The following GBP4 variants were observed in gnomAD, a reference collection of about 807,000 sequenced individuals.
GBP4 encodes the protein guanylate binding protein 4.
A neutral mutation model predicts 62.2 loss-of-function variants in GBP4; 69 were observed. The observed-to-expected ratio is 1.11, with a 90% CI of 0.91 to 1.36. The LOEUF is 1.36. Among genes scored for constraint, GBP4 ranks in the 40% most tolerant of loss-of-function variants. The pLI, the probability that GBP4 is intolerant of heterozygous loss-of-function variation, is 0.00. For synonymous variants in GBP4, 278 were observed against 274.6 expected (o/e 1.01, Z -0.12); for missense variants, 697 against 759.3 (o/e 0.92, Z 0.96).
In GBP4 at chr1:89,190,032, A is replaced by G. The variant is rs1434152421; in HGVS notation, c.1197+6T>C. On this transcript the variant is annotated splice_donor_region_variant and intron_variant, in intron 7 of 10. Transcript: ENST00000355754. The stretch of plus-strand genomic sequence containing the variant: ...AGAAATCAGGAAGGATAAATGCTAA[A>G]AGTACCACAAGCTTCTTCTGGAATT... The G allele has an allele frequency of 6.2e-7, 1 of 1,602,266 alleles. No individual in the cohort carries two copies. The highest frequency in any genetic ancestry group is 1.1e-5 in the South Asian group (1 of 90,062).
intron 2 of GBP4, 96 bp from the exon 3 acceptor site, chr1:89,195,520 T>C: frequency 1.4e-6 from 2 of 1,444,656 alleles, no homozygotes; most frequent in Admixed American, 1.9e-5. Flanking sequence ...TTTAAGTGGC[T>C]GACAGGGGAA....
rs1225031829 is a variant in GBP4 at position 89,198,622 on chromosome 1, G to A, written c.40+173C>T. The A allele has an allele frequency of 6.1e-6, 4 of 660,870 alleles. No individual in the cohort carries two copies. In the Admixed American group the frequency reaches 6.4e-5, roughly 11 times the overall value. 40.9% of individuals were successfully genotyped at this position (660,870 alleles called of 1,614,324 possible). A position where few individuals can be genotyped will look rare whatever the true frequency, so the allele number is the denominator to read the frequency against. On this transcript the variant is annotated intron_variant, in intron 1 of 10. Coordinates refer to ENST00000355754, the MANE Select transcript of GBP4 (RefSeq NM_052941.5). ...GAGACGCTGGGCCACACGGAGCAAA[G>A]CACTCAGGGGTTCAAGCAGCATCAG... is the stretch of plus-strand genomic sequence containing the variant.
chr1:89,190,373 G>GT, intron 6 of GBP4, 55 bp from the exon 7 acceptor site: 1 of 1,435,668 alleles, frequency 7.0e-7, no homozygotes, highest in Admixed American at 2.3e-5. Flanking sequence ...ATTTATACAA[G>GT]TTTTAAGAGT....
intron 3 of GBP4, 22 bp downstream of exon 3, chr1:89,195,275 C>A (rs201227571): frequency 1.2e-6 from 2 of 1,611,874 alleles, no homozygotes; most frequent in South Asian, 1.1e-5. Flanking sequence ...CAACCATGAG[C>A]GGTGAAGTTT....
In GBP4 at chr1:89,191,427, G is replaced by T. The variant is rs1223147190; in HGVS notation, c.750C>A (p.Val250=). 3.1e-6 allele frequency: 5 copies of T among 1,614,102 alleles called. No homozygotes were observed. Among genetic ancestry groups the T allele is most frequent in the Non-Finnish European group, 4.2e-6 (5 of 1,180,018 alleles). ...RHFFRKRKCF[V]FDRPTNDKQY... ...GCTTGTCATTTGTAGGCCGGTCAAA[G>T]ACAAAGCACTTCCGTTTTCGGAAGA... is the stretch of plus-strand genomic sequence containing the variant. Residue 250 remains valine (V), a synonymous_variant, in exon 6 of 11, where the codon GTC becomes GTA. Transcript: ENST00000355754.
At chr1:89,192,510 G>A (rs886204193) in intron 5 of GBP4, among the ~76,000 whole-genome samples, 2 of 152,112 alleles carry the variant, frequency 1.3e-5, no homozygotes, top group Non-Finnish European at 2.9e-5. Flanking sequence ...TTGTGATTCT[G>A]TGTTTACCAG....
intron 7 of GBP4, among the ~76,000 whole-genome samples, chr1:89,189,557 T>G (rs1315126778): frequency 4.6e-5 from 7 of 152,368 alleles, no homozygotes; most frequent in Non-Finnish European, 7.3e-5. Context: ...TGTGCCCTGT[T>G]GGGCATGACC....
At chr1:89,193,474 T>A in intron 3 of GBP4, 62 bp from the exon 4 acceptor site, 2 of 1,363,470 alleles carry the variant, frequency 1.5e-6, no homozygotes, top group Admixed American at 3.5e-5. Flanking sequence ...TTCATTCATT[T>A]GGTTGTTCAT....
At chr1:89,192,531 T>C (rs1648213985) in intron 5 of GBP4, among the ~76,000 whole-genome samples, 1 of 152,242 alleles carries the variant, frequency 6.6e-6, no homozygotes, top group African/African-American at 2.4e-5. Flanking sequence ...CTTCCAAGCT[T>C]ATTAGTTAAT....
At chr1:89,187,149 CATCTT>C (rs763410577) in intron 8 of GBP4, 47 bp from the exon 9 acceptor site, 29 of 1,475,520 alleles carry the variant, frequency 2.0e-5, no homozygotes, top group Non-Finnish European at 2.5e-5. Context: ...GCAAAGGTCT[CATCTT>C]ATGATGGCGA....
intron 5 of GBP4, among the ~76,000 whole-genome samples, chr1:89,191,816 T>C (rs954495262): frequency 1.3e-5 from 2 of 152,200 alleles, no homozygotes; most frequent in Non-Finnish European, 2.9e-5. Flanking sequence ...TGTTTTTGAA[T>C]GATTAATTAA....
chr1:89,191,178 A>G (rs6667970), intron 6 of GBP4, 83 bp downstream of exon 6: 58,256 of 1,470,034 alleles, frequency 0.04, 3,672 homozygotes, highest in African/African-American at 0.29. Context: ...AGCAAACAAT[A>G]TTATTGAAAA....
At position 89,187,484 on chromosome 1, in the gene GBP4, A is replaced by C. The variant is rs369994178; in HGVS notation, c.1411-382T>G. Among the ~76,000 whole-genome samples, 55 of 152,356 alleles carry C rather than the reference A, an allele frequency of 3.6e-4. 6 individuals are homozygous for C. Among genetic ancestry groups the C allele is most frequent in the Admixed American group, 9.1e-4 (14 of 15,302 alleles). On this transcript the variant is annotated intron_variant, in intron 8 of 10. Transcript: ENST00000355754. ...CAAGTGCAAAAATAAGTGGGACTACATCAAACTAAAAATTTCTGCAAAGAA... is the reference window on the plus strand; with the variant it reads ...CAAGTGCAAAAATAAGTGGGACTACCTCAAACTAAAAATTTCTGCAAAGAA...
intron 2 of GBP4, among the ~76,000 whole-genome samples, chr1:89,196,215 T>C (rs182041561): frequency 3.5e-4 from 54 of 152,320 alleles, no homozygotes; most frequent in Admixed American, 1.7e-3. Context: ...TGTCCTTAGG[T>C]AGTGGCATAC....
At chr1:89,188,211 C>T (rs953783270) in intron 8 of GBP4, among the ~76,000 whole-genome samples, 34 of 152,052 alleles carry the variant, frequency 2.2e-4, no homozygotes, top group African/African-American at 3.6e-4. Flanking sequence ...GTACGATAAC[C>T]GTAATTGTAC....
Position 89,188,777 on chromosome 1 carries a change from C to G in GBP4, c.1215G>C (p.Lys405Asn). ...CATTCTGCAGCACAAAGTCTCCCTTCTTTTTCTCTATGGTGTCCTGCCAGA... is the reference window on the plus strand; with the variant it reads ...CATTCTGCAGCACAAAGTCTCCCTTGTTTTTCTCTATGGTGTCCTGCCAGA... Reference protein sequence around the residue: ...QKKLVDTIEKKKGDFVLQNEE... With the variant: ...QKKLVDTIEKNKGDFVLQNEE... Residue 405 changes from lysine (K) to asparagine (N), a missense_variant, in exon 8 of 11, where the codon AAG (lysine) becomes AAC (asparagine). Physicochemically the swap from Lys to Asn is moderately conservative, Grantham distance 94 (BLOSUM62 0). Coordinates refer to ENST00000355754, the MANE Select transcript of GBP4 (RefSeq NM_052941.5). 6.2e-7 allele frequency: 1 copy of G among 1,614,230 alleles called. No homozygotes were observed. Among genetic ancestry groups the G allele is most frequent in the Non-Finnish European group, 8.5e-7 (1 of 1,180,040 alleles).
At chr1:89,196,396 A>G (rs982740441) in intron 2 of GBP4, among the ~76,000 whole-genome samples, 4 of 152,238 alleles carry the variant, frequency 2.6e-5, no homozygotes, top group African/African-American at 9.6e-5. Flanking sequence ...TATATTATGT[A>G]GAACCATTTT....
In GBP4 at chr1:89,186,909, C is replaced by G. The variant is rs984926009; in HGVS notation, c.1513+91G>C. On this transcript the variant is annotated intron_variant, in intron 9 of 10. Coordinates refer to ENST00000355754, the MANE Select transcript of GBP4 (RefSeq NM_052941.5). Reference sequence around the variant, plus strand: ...CTCAATGTTTGTGACTTTTGAAGCTCCTTTTAACTGGAATATCTTTCAGTG... The same window carrying G: ...CTCAATGTTTGTGACTTTTGAAGCTGCTTTTAACTGGAATATCTTTCAGTG... 5 of 1,186,804 alleles carry G rather than the reference C, an allele frequency of 4.2e-6. No homozygotes were observed. The African/African-American group carries it at 7.6e-5, about 18-fold the overall frequency. The allele number at this position is 1,186,804 out of a possible 1,614,324, so 73.5% of individuals were successfully genotyped here.
chr1:89,189,910 G>A, intron 7 of GBP4, 128 bp downstream of exon 7: 2 of 840,194 alleles, frequency 2.4e-6, no homozygotes, highest in Non-Finnish European at 1.9e-6. Flanking sequence ...AGCCCATAGA[G>A]CCCTGTTATT....
Sources: gnomAD v4.1 joint callset for allele counts (sites outside exome capture counted in the v4.1 genomes callset) on GRCh38, gnomAD v4.1.1 for gene constraint, MANE v1.5 for transcripts, NCBI Gene and HGNC (gene_info 2026-07-23, HGNC 2026-07-21) for gene names.